The following DSCAM variants were observed in gnomAD, a reference collection of about 807,000 sequenced individuals.
DSCAM encodes DS cell adhesion molecule.
DSCAM carries 47 observed loss-of-function variants against 217.7 expected under a neutral mutation model. The ratio of observed to expected loss-of-function variants is 0.22; its 90% CI spans 0.17 to 0.28. DSCAM has a LOEUF of 0.28. Among genes scored for constraint, DSCAM ranks in the 10% least tolerant of loss-of-function variants. The pLI is 1.00. For synonymous variants in DSCAM, 1,056 were observed against 1,015.3 expected (o/e 1.04, Z -0.76); for missense variants, 2,080 against 2,618.3 (o/e 0.79, Z 4.49).
intron 3 of DSCAM, among the ~76,000 whole-genome samples, chr21:40,403,282 T>G (rs1190342974): frequency 6.6e-6 from 1 of 151,896 alleles, no homozygotes; most frequent in Non-Finnish European, 1.5e-5. Context: ...TTTTTTAATG[T>G]CCAGGTGATT....
chr21:40,824,374 A>G (rs549063306), intron 1 of DSCAM, among the ~76,000 whole-genome samples: 1 of 149,598 alleles, frequency 6.7e-6, no homozygotes, highest in African/African-American at 2.5e-5. Flanking sequence ...TCTTTCCACA[A>G]TCTGCTCCCT....
At chr21:40,041,172 A>G (rs1437005042) in intron 32 of DSCAM, among the ~76,000 whole-genome samples, 1 of 152,226 alleles carries the variant, frequency 6.6e-6, no homozygotes, top group Non-Finnish European at 1.5e-5. Flanking sequence ...GTAGTAATTC[A>G]AAAGTGAAGA....
chr21:40,636,527 G>GT (rs1468653666), intron 3 of DSCAM, among the ~76,000 whole-genome samples: 1 of 152,104 alleles, frequency 6.6e-6, no homozygotes, highest in East Asian at 1.9e-4. Context: ...TGTGAGATTC[G>GT]TATCAGTGAA....
intron 11 of DSCAM, among the ~76,000 whole-genome samples, chr21:40,251,270 G>T (rs1285995594): frequency 6.6e-6 from 1 of 152,074 alleles, no homozygotes; most frequent in African/African-American, 2.4e-5. Context: ...AACACATATA[G>T]ATCAGAATAA....
chr21:40,762,093 C>A (rs538928943), intron 1 of DSCAM, among the ~76,000 whole-genome samples: 26 of 152,086 alleles, frequency 1.7e-4, no homozygotes, highest in African/African-American at 6.3e-4. Context: ...TAGCAGAAGA[C>A]AAGAAATAAC....
chr21:40,635,927 G>C (rs960204881), intron 3 of DSCAM, among the ~76,000 whole-genome samples: 1 of 152,012 alleles, frequency 6.6e-6, no homozygotes, highest in African/African-American at 2.4e-5. Context: ...TTTTTCTTAA[G>C]GCATTTTAAA....
chr21:40,049,146 T>C (rs1433836460), intron 30 of DSCAM, among the ~76,000 whole-genome samples: 1 of 152,080 alleles, frequency 6.6e-6, no homozygotes, highest in African/African-American at 2.4e-5. Context: ...ACAGAAACAT[T>C]GTTCTATAAG....
chr21:40,362,149 C>T lies in DSCAM; in HGVS notation c.655+6950G>A, dbSNP rs142955025. The stretch of plus-strand genomic sequence containing the variant: ...AGTATTCCATGGTGTATATGTGCCA[C>T]GTTTTCTTAATCCAGTCTATCATTG... On this transcript the variant is annotated intron_variant, in intron 4 of 32. Coordinates refer to ENST00000400454, the MANE Select transcript of DSCAM (RefSeq NM_001389.5). Among the ~76,000 whole-genome samples, 311 of 152,186 alleles carry T rather than the reference C, an allele frequency of 2.0e-3. 1 individual carries two copies. Among genetic ancestry groups the T allele is most frequent in the African/African-American group, 6.7e-3 (278 of 41,508 alleles).
chr21:40,274,338 AC>A (rs1382259717), intron 11 of DSCAM, among the ~76,000 whole-genome samples: 1 of 152,118 alleles, frequency 6.6e-6, no homozygotes, highest in African/African-American at 2.4e-5. Context: ...GTGACTCTTC[AC>A]CCTGCATTGT....
At chr21:40,277,741 C>A (rs914161056) in intron 10 of DSCAM, among the ~76,000 whole-genome samples, 57 of 148,778 alleles carry the variant, frequency 3.8e-4, no homozygotes, top group African/African-American at 1.4e-3. Context: ...TCAAGTGATT[C>A]TCCTGCTAAT....
At chr21:40,156,153 A>G (rs1555884461) in intron 16 of DSCAM, among the ~76,000 whole-genome samples, 1 of 151,950 alleles carries the variant, frequency 6.6e-6, no homozygotes, top group Non-Finnish European at 1.5e-5. Context: ...TATGGAGACA[A>G]ACTGAGTCCT....
chr21:40,144,424 C>A lies in DSCAM; in HGVS notation c.3259+67G>T. 5 of 1,591,244 alleles carry A rather than the reference C, an allele frequency of 3.1e-6. No individual in the cohort carries two copies. The highest frequency in any genetic ancestry group is 4.3e-6 in the Non-Finnish European group (5 of 1,167,198). On this transcript the variant is annotated intron_variant, in intron 17 of 32. Coordinates refer to ENST00000400454, the MANE Select transcript of DSCAM (RefSeq NM_001389.5). The surrounding 1 kb of genome is among the most constrained non-coding windows in gnomAD (Gnocchi z 4.8). Reference sequence around the variant, plus strand: ...GCGGGGGAGTGCGAGGTTGGGGGAGCCCCGGGGCAGACCCGAGGGAACCTT... The same window carrying A: ...GCGGGGGAGTGCGAGGTTGGGGGAGACCCGGGGCAGACCCGAGGGAACCTT...
intron 3 of DSCAM, among the ~76,000 whole-genome samples, chr21:40,440,270 C>T (rs1312426753): frequency 6.6e-6 from 1 of 152,206 alleles, no homozygotes; most frequent in African/African-American, 2.4e-5. Flanking sequence ...ATGTTAAAGG[C>T]TCCAAAGTCC....
chr21:40,792,793 G>A (rs1325098923), intron 1 of DSCAM, among the ~76,000 whole-genome samples: 9 of 152,160 alleles, frequency 5.9e-5, no homozygotes, highest in Admixed American at 5.9e-4. Context: ...TCTGTGGGCT[G>A]AGACCATCCG....
At chr21:40,542,511 G>C (rs1446600515) in intron 3 of DSCAM, among the ~76,000 whole-genome samples, 3 of 152,138 alleles carry the variant, frequency 2.0e-5, no homozygotes, top group Non-Finnish European at 2.9e-5. Context: ...CGTGAGGGTG[G>C]GACCCTCAAG....
At chr21:40,529,278 G>A (rs932056791) in intron 3 of DSCAM, among the ~76,000 whole-genome samples, 1 of 152,162 alleles carries the variant, frequency 6.6e-6, no homozygotes, top group Non-Finnish European at 1.5e-5. Context: ...GTAAGGCAGT[G>A]ATCACTGTGC....
At chr21:40,652,588 C>T (rs995221609) in intron 3 of DSCAM, among the ~76,000 whole-genome samples, 23 of 152,164 alleles carry the variant, frequency 1.5e-4, no homozygotes, top group Admixed American at 6.5e-5. Flanking sequence ...ACAGTGGAAA[C>T]CACACATGGC....
intron 3 of DSCAM, among the ~76,000 whole-genome samples, chr21:40,567,480 G>C (rs1336844988): frequency 6.6e-6 from 1 of 152,228 alleles, no homozygotes; most frequent in East Asian, 1.9e-4. Flanking sequence ...GTGAAATAAG[G>C]CTCAAGGGAC....
chr21:40,373,168 T>C (rs1031993861), intron 3 of DSCAM, among the ~76,000 whole-genome samples: 1 of 152,208 alleles, frequency 6.6e-6, no homozygotes, highest in South Asian at 2.1e-4. Flanking sequence ...GCAGCAGTTC[T>C]AGAAATCTAT....
Sources: allele counts gnomAD v4.1 joint callset (sites outside exome capture counted in the v4.1 genomes callset), GRCh38; gene constraint gnomAD v4.1.1; non-coding constraint Gnocchi (gnomAD v3.1); transcripts MANE v1.5; gene names NCBI Gene and HGNC (gene_info 2026-07-23, HGNC 2026-07-21).